PVT1: variants seen among roughly 807,000 people sequenced by gnomAD.
PVT1 encodes the protein Pvt1 oncogene, also known as CXCR4/PVT1 fusion.
intron 4 of PVT1, among the ~76,000 whole-genome samples, chr8:128,069,584 G>A (rs1214482794): frequency 6.6e-6 from 1 of 152,160 alleles, no homozygotes; most frequent in Non-Finnish European, 1.5e-5. Flanking sequence ...CCATTTTATA[G>A]AGGAGAGAGC....
At chr8:127,800,616 G>C (rs1471813299) in intron 2 of PVT1, among the ~76,000 whole-genome samples, 1 of 152,008 alleles carries the variant, frequency 6.6e-6, no homozygotes, top group Non-Finnish European at 1.5e-5. Context: ...CCCTTCCTGA[G>C]TTATTTTTTC....
At chr8:128,069,315 T>G (rs574059928) in intron 4 of PVT1, among the ~76,000 whole-genome samples, 39 of 152,192 alleles carry the variant, frequency 2.6e-4, no homozygotes, top group Non-Finnish European at 5.0e-4. Context: ...CTTATTCAGT[T>G]AAACTTCAGT....
At chr8:127,865,141 T>G (rs1369243423) in intron 2 of PVT1, among the ~76,000 whole-genome samples, 1 of 152,206 alleles carries the variant, frequency 6.6e-6, no homozygotes, top group African/African-American at 2.4e-5. Context: ...GGCACCACAT[T>G]ACTGCACCTC....
At chr8:127,820,212 A>G (rs1814713629) in intron 2 of PVT1, among the ~76,000 whole-genome samples, 1 of 152,170 alleles carries the variant, frequency 6.6e-6, no homozygotes, top group African/African-American at 2.4e-5. Context: ...GCAAGAGTGG[A>G]TTAGCAGCAG....
chr8:128,029,524 G>A (rs80198633), intron 4 of PVT1, among the ~76,000 whole-genome samples: 12,889 of 152,214 alleles, frequency 0.085, 798 homozygotes, highest in Admixed American at 0.22. Flanking sequence ...TGTTGCGGTC[G>A]GGTGCGGTGG....
rs552191415 is a variant in PVT1 at position 127,959,509 on chromosome 8, C to T, written n.783-29653C>T. Among the ~76,000 whole-genome samples, 64 of 148,048 alleles carry T rather than the reference C, an allele frequency of 4.3e-4. 1 individual carries two copies. The Middle Eastern group carries it at 0.024, about 56-fold the overall frequency. ...CTAAGGCAAGAGAATCGCTTGAACC[C>T]GGGAGGCAGAGGTTGCAGTTAGCCG... On this transcript the variant is annotated intron_variant and non_coding_transcript_variant, in intron 3 of 10. Coordinates refer to ENST00000651587, the Ensembl canonical transcript of PVT1.
chr8:127,832,996 A>T (rs1488743300), intron 2 of PVT1, among the ~76,000 whole-genome samples: 1 of 152,192 alleles, frequency 6.6e-6, no homozygotes, highest in East Asian at 1.9e-4. Flanking sequence ...ACCATTCTGG[A>T]ACAAAACAAG....
chr8:128,037,862 A>G (rs1813484109), intron 4 of PVT1, among the ~76,000 whole-genome samples: 1 of 152,270 alleles, frequency 6.6e-6, no homozygotes, highest in East Asian at 1.9e-4. Context: ...TTGATGAAGA[A>G]CCACTGGTGT....
Position 128,053,060 on chromosome 8 carries a change from C to T in PVT1, n.913-17100C>T, listed in dbSNP as rs1010654528. Among the ~76,000 whole-genome samples, 8 of 152,302 alleles carry T rather than the reference C, an allele frequency of 5.3e-5. No individual in the cohort carries two copies. In the South Asian group the frequency reaches 1.0e-3, roughly 20 times the overall value. On this transcript the variant is annotated intron_variant and non_coding_transcript_variant, in intron 4 of 10. Transcript: ENST00000651587. ...GGTGCATGAAACAAAGGGTCATTAT[C>T]CTATTTCTTGGGTAAGTTCTCACTG...
intron 3 of PVT1, among the ~76,000 whole-genome samples, chr8:127,963,587 T>C (rs1816671115): frequency 6.6e-6 from 1 of 152,160 alleles, no homozygotes. Flanking sequence ...CTCCACCCTT[T>C]TTTTGAAGCA....
At chr8:127,932,909 C>G (rs1816227365) in intron 3 of PVT1, among the ~76,000 whole-genome samples, 1 of 152,122 alleles carries the variant, frequency 6.6e-6, no homozygotes, top group African/African-American at 2.4e-5. Context: ...ATTTATCATT[C>G]TTAAGGATTG....
At chr8:127,928,538 G>T (rs1816160200) in intron 3 of PVT1, among the ~76,000 whole-genome samples, 1 of 152,232 alleles carries the variant, frequency 6.6e-6, no homozygotes. Context: ...GGACCATCTT[G>T]TCCCTGAAAA....
In PVT1 at chr8:128,093,493, G is replaced by T. The variant is rs1814386822; in HGVS notation, n.1115-3025G>T. On this transcript the variant is annotated intron_variant and non_coding_transcript_variant, in intron 5 of 10. Transcript: ENST00000651587. ...AATCTCTTGAACATGGGAGGCGGAG[G>T]TTGCAGTGAACTGAGATCGCGCCAT... is the stretch of plus-strand genomic sequence containing the variant. 6.6e-5 allele frequency among the ~76,000 whole-genome samples: 10 copies of T among 152,094 alleles called. 1 individual carries two copies. The highest frequency in any genetic ancestry group is 6.5e-4 in the Admixed American group (10 of 15,280).
chr8:128,063,066 G>A (rs1464713708), intron 4 of PVT1, among the ~76,000 whole-genome samples: 3 of 152,180 alleles, frequency 2.0e-5, no homozygotes, highest in African/African-American at 7.2e-5. Context: ...GAAATCCCTA[G>A]CACAGTACTT....
At chr8:128,084,901 C>T (rs773555120) in intron 5 of PVT1, among the ~76,000 whole-genome samples, 2 of 152,208 alleles carry the variant, frequency 1.3e-5, no homozygotes, top group Non-Finnish European at 2.9e-5. Flanking sequence ...TTAGTTCACG[C>T]TCTCTTTTTC....
intron 2 of PVT1, among the ~76,000 whole-genome samples, chr8:127,801,247 TTTTG>T (rs1814462396): frequency 6.6e-6 from 1 of 152,280 alleles, no homozygotes; most frequent in East Asian, 1.9e-4. Context: ...TGTTTTTGTT[TTTTG>T]TTTGTTATGA....
rs192845658 is a variant in PVT1 at position 128,005,363 on chromosome 8, C to T, written n.912+16072C>T. On this transcript the variant is annotated intron_variant and non_coding_transcript_variant, in intron 4 of 10. Transcript: ENST00000651587. ...GGCCCAGGGAAGCCAAAAGATTGGA[C>T]ACCCCTGTCTTAGACTTTTAAGGAG... Among the ~76,000 whole-genome samples the T allele has an allele frequency of 2.0e-5, 3 of 152,322 alleles. No individual in the cohort carries two copies. In the East Asian group the frequency reaches 5.8e-4, roughly 29 times the overall value.
intron 3 of PVT1, among the ~76,000 whole-genome samples, chr8:127,954,932 A>G (rs1448162596): frequency 1.3e-5 from 2 of 152,150 alleles, no homozygotes; most frequent in Non-Finnish European, 1.5e-5. Flanking sequence ...AACATTTAGG[A>G]TGAATTATGT....
intron 3 of PVT1, among the ~76,000 whole-genome samples, chr8:127,951,569 A>T (rs1166137065): frequency 6.6e-6 from 1 of 152,210 alleles, no homozygotes; most frequent in Non-Finnish European, 1.5e-5. Flanking sequence ...AAAGGCGTGT[A>T]ACAAAGGAGT....
Sources: allele counts gnomAD v4.1 joint callset (sites outside exome capture counted in the v4.1 genomes callset), GRCh38; gene constraint gnomAD v4.1.1; transcripts MANE v1.5; gene names NCBI Gene and HGNC (gene_info 2026-07-23, HGNC 2026-07-21).